WWOX: variants seen among roughly 807,000 people sequenced by gnomAD.
WWOX encodes WW domain containing oxidoreductase, also known as WW domain-containing oxidoreductase.
In WWOX, 69 loss-of-function variants were observed where a neutral mutation model predicts 46.2. That is an observed-to-expected ratio of 1.49 (90% CI 1.23 to 1.82). The LOEUF is 1.82. WWOX is among the 40% of genes most tolerant of loss of function. The probability of loss-of-function intolerance (pLI) is 0.00; values close to 1 mark genes in which losing one functional copy is unlikely to be tolerated. For missense variants in WWOX, 919 were observed against 542.6 expected (o/e 1.69, Z -6.89); for synonymous variants, 359 against 202.6 (o/e 1.77, Z -6.56).
intron 8 of WWOX, among the ~76,000 whole-genome samples, chr16:78,612,619 G>A (rs535085649): frequency 1.3e-5 from 2 of 152,204 alleles, no homozygotes; most frequent in South Asian, 2.1e-4. Context: ...CTACAGTTGT[G>A]CACTACCACA....
chr16:78,580,326 G>T (rs570812242), intron 8 of WWOX, among the ~76,000 whole-genome samples: 4 of 152,012 alleles, frequency 2.6e-5, no homozygotes, highest in Non-Finnish European at 5.9e-5. Context: ...CACCTTCCTC[G>T]GCCTCCCAAA....
chr16:78,308,186 G>T (rs1014418119), intron 5 of WWOX, among the ~76,000 whole-genome samples: 4 of 152,160 alleles, frequency 2.6e-5, no homozygotes, highest in Non-Finnish European at 5.9e-5. Context: ...CCAGCACCAT[G>T]CCACACAGCC....
chr16:78,314,704 TTTTTTTTTTTTTTTTTTC>T (rs2080323546), intron 5 of WWOX, among the ~76,000 whole-genome samples: 7 of 69,132 alleles, frequency 1.0e-4, no homozygotes, highest in Admixed American at 1.5e-4. Flanking sequence ...TTTTTTTGTT[TTTTTTTTTTTTTTTTTTC>T]TGTATTTTCA....
intron 8 of WWOX, among the ~76,000 whole-genome samples, chr16:79,080,247 C>G (rs2048734766): frequency 6.6e-6 from 1 of 152,196 alleles, no homozygotes. Context: ...GCGATAGAGA[C>G]AGAAACCCAC....
At chr16:78,936,809 G>T (rs1455126185) in intron 8 of WWOX, among the ~76,000 whole-genome samples, 2 of 152,128 alleles carry the variant, frequency 1.3e-5, no homozygotes, top group Non-Finnish European at 2.9e-5. Flanking sequence ...CTAGAGTATG[G>T]TTTTAATCCA....
chr16:78,563,079 C>T (rs1164593957), intron 8 of WWOX, among the ~76,000 whole-genome samples: 1 of 151,990 alleles, frequency 6.6e-6, no homozygotes, highest in Non-Finnish European at 1.5e-5. Context: ...GATTTTACAG[C>T]ATACATACTA....
chr16:78,472,914 C>A (rs1442174179), intron 8 of WWOX, among the ~76,000 whole-genome samples: 1 of 152,018 alleles, frequency 6.6e-6, no homozygotes, highest in Admixed American at 6.6e-5. Flanking sequence ...TCCCTTCTTC[C>A]CAGTCTGTGG....
At chr16:78,518,549 C>T (rs1438504292) in intron 8 of WWOX, among the ~76,000 whole-genome samples, 3 of 152,068 alleles carry the variant, frequency 2.0e-5, no homozygotes, top group South Asian at 2.1e-4. Flanking sequence ...ATAACATACT[C>T]ACAGCTCCCT....
At chr16:79,137,838 G>C (rs1020680840) in intron 8 of WWOX, among the ~76,000 whole-genome samples, 1 of 151,996 alleles carries the variant, frequency 6.6e-6, no homozygotes. Flanking sequence ...TTCTGGCCCC[G>C]TCCTGGGGAG....
intron 5 of WWOX, among the ~76,000 whole-genome samples, chr16:78,335,321 C>T (rs1243920905): frequency 2.0e-5 from 3 of 152,116 alleles, no homozygotes; most frequent in East Asian, 1.9e-4. Flanking sequence ...CCGCCTCCAC[C>T]GTGTGTCCAT....
At chr16:78,637,522 T>C (rs1463900431) in intron 8 of WWOX, among the ~76,000 whole-genome samples, 1 of 152,172 alleles carries the variant, frequency 6.6e-6, no homozygotes, top group Non-Finnish European at 1.5e-5. Flanking sequence ...CACAGTGATG[T>C]AACTCATCAG....
intron 8 of WWOX, among the ~76,000 whole-genome samples, chr16:79,047,105 C>T (rs1227346552): frequency 6.6e-6 from 1 of 152,206 alleles, no homozygotes; most frequent in Admixed American, 6.5e-5. Context: ...GCCACCCTTC[C>T]AGCCATTCAC....
At chr16:78,794,881 A>C (rs2050697152) in intron 8 of WWOX, among the ~76,000 whole-genome samples, 1 of 152,214 alleles carries the variant, frequency 6.6e-6, no homozygotes, top group African/African-American at 2.4e-5. Context: ...TGGGTTAGTG[A>C]CAAAGAAATG....
chr16:78,688,873 A>G (rs542185607), intron 8 of WWOX, among the ~76,000 whole-genome samples: 4 of 152,290 alleles, frequency 2.6e-5, no homozygotes, highest in African/African-American at 9.6e-5. Context: ...TTTTCATGGT[A>G]GGGAGTGAGT....
At chr16:78,736,559 C>A (rs955122927) in intron 8 of WWOX, among the ~76,000 whole-genome samples, 1 of 150,276 alleles carries the variant, frequency 6.7e-6, no homozygotes, top group Admixed American at 6.6e-5. Flanking sequence ...TTTTCCTTTT[C>A]TTCTCTTCTC....
At chr16:78,808,687 A>T (rs2051106325) in intron 8 of WWOX, among the ~76,000 whole-genome samples, 2 of 152,210 alleles carry the variant, frequency 1.3e-5, no homozygotes. Flanking sequence ...CATTTATTTC[A>T]TGTAGTCCTC....
chr16:79,163,310 G>T (rs189728960), intron 8 of WWOX, among the ~76,000 whole-genome samples: 3 of 152,298 alleles, frequency 2.0e-5, no homozygotes, highest in East Asian at 3.9e-4. Context: ...TGAAAACTGC[G>T]TGGTGGAGCT....
At chr16:78,153,816 G>T (rs542643192) in intron 4 of WWOX, among the ~76,000 whole-genome samples, 1 of 152,282 alleles carries the variant, frequency 6.6e-6, no homozygotes, top group South Asian at 2.1e-4. Flanking sequence ...CACTGCCCAA[G>T]TACATCCACA....
chr16:78,517,658 T>C (rs1006291347), intron 8 of WWOX, among the ~76,000 whole-genome samples: 2 of 152,108 alleles, frequency 1.3e-5, no homozygotes, highest in East Asian at 1.9e-4. Context: ...CCGCAATCCA[T>C]GTCTGGTGGA....
Sources: allele counts gnomAD v4.1 joint callset (sites outside exome capture counted in the v4.1 genomes callset), GRCh38; gene constraint gnomAD v4.1.1; transcripts MANE v1.5; gene names NCBI Gene and HGNC (gene_info 2026-07-23, HGNC 2026-07-21).